Variants in LDB2 observed in about 807,000 individuals in gnomAD.
LDB2 encodes the protein LIM domain binding 2, also known as LIM domain-binding protein 2.
LDB2 carries 12 observed loss-of-function variants against 44.3 expected under a neutral mutation model. The ratio of observed to expected loss-of-function variants is 0.27; its 90% CI spans 0.17 to 0.44. LDB2 has a LOEUF of 0.44. Among genes scored for constraint, LDB2 ranks in the 20% least tolerant of loss-of-function variants. The pLI is 1.00. For synonymous variants in LDB2, 164 were observed against 174.8 expected, an observed-to-expected ratio of 0.94 and a Z score of 0.49; for missense variants, 344 against 473.5, an observed-to-expected ratio of 0.73 and a Z score of 2.54.
In LDB2 at chr4:16,831,082, G is replaced by A. The variant is rs75711080; in HGVS notation, c.132+67272C>T. ...TCTAGGCAATGGGGTTGAATAGAAC[G>A]GTGCAGAACTCATAGTCAGACTGAC... is the stretch of plus-strand genomic sequence containing the variant. On this transcript the variant is annotated intron_variant, in intron 1 of 7. Transcript: ENST00000304523. Among the ~76,000 whole-genome samples, 145 of 152,106 alleles carry A rather than the reference G, an allele frequency of 9.5e-4. 2 individuals are homozygous for A. In the East Asian group the frequency reaches 0.027, roughly 28 times the overall value.
At position 16,736,136 on chromosome 4, in the gene LDB2, C is replaced by G. The variant is rs144888134; in HGVS notation, c.235+23022G>C. On this transcript the variant is annotated intron_variant, in intron 2 of 7. Coordinates refer to ENST00000304523, the MANE Select transcript of LDB2 (RefSeq NM_001290.5). ...CTCCGGCTCTCTCATGCTCCTGAAG[C>G]TCAGCTCTGGGCAAGAAGGGTCCTC... Among the ~76,000 whole-genome samples, 1,021 of 152,298 alleles carry G rather than the reference C, an allele frequency of 6.7e-3. 6 individuals are homozygous for G. Among genetic ancestry groups the G allele is most frequent in the Non-Finnish European group, 0.011 (743 of 68,016 alleles).
At chr4:16,769,763 C>T (rs1243273297) in intron 1 of LDB2, among the ~76,000 whole-genome samples, 1 of 152,198 alleles carries the variant, frequency 6.6e-6, no homozygotes, top group Non-Finnish European at 1.5e-5. Context: ...ATACTACCAA[C>T]ATAGCAAATT....
At chr4:16,805,799 A>G (rs1160064629) in intron 1 of LDB2, among the ~76,000 whole-genome samples, 1 of 152,224 alleles carries the variant, frequency 6.6e-6, no homozygotes, top group Non-Finnish European at 1.5e-5. Context: ...GGTGGAGCCT[A>G]TTGCCTGACA....
chr4:16,539,879 G>T (rs930252988), intron 5 of LDB2, among the ~76,000 whole-genome samples: 2 of 152,168 alleles, frequency 1.3e-5, no homozygotes, highest in Non-Finnish European at 2.9e-5. Context: ...TGGACAAGGG[G>T]TGTATTAGTC....
chr4:16,850,307 T>C (rs1787936826), intron 1 of LDB2, among the ~76,000 whole-genome samples: 1 of 152,110 alleles, frequency 6.6e-6, no homozygotes, highest in Non-Finnish European at 1.5e-5. Context: ...CCCCACCACC[T>C]ATTAGCTGAA....
In LDB2 at chr4:16,789,782, A is replaced by G. The variant is rs950701878; in HGVS notation, c.133-30522T>C. ...CCATCTGTACTAAAAAATACAAAAA[A>G]TTAGCTGGGTGTGATGGCATACGCC... On this transcript the variant is annotated intron_variant, in intron 1 of 7. Transcript: ENST00000304523. Among the ~76,000 whole-genome samples the G allele has an allele frequency of 1.0e-3, 159 of 152,256 alleles. 1 individual carries two copies. Among genetic ancestry groups the G allele is most frequent in the African/African-American group, 3.7e-3 (152 of 41,554 alleles).
At chr4:16,559,039 T>G (rs1740964109) in intron 5 of LDB2, among the ~76,000 whole-genome samples, 1 of 152,150 alleles carries the variant, frequency 6.6e-6, no homozygotes, top group East Asian at 1.9e-4. Flanking sequence ...CCACCAGGCC[T>G]GCCCTAAAAG....
At chr4:16,786,074 T>G (rs1470128490) in intron 1 of LDB2, among the ~76,000 whole-genome samples, 2 of 152,208 alleles carry the variant, frequency 1.3e-5, no homozygotes, top group Non-Finnish European at 2.9e-5. Context: ...CTCTGATTTC[T>G]GGAACAAATA....
chr4:16,594,509 G>T (rs1461594036), intron 3 of LDB2, among the ~76,000 whole-genome samples: 1 of 152,174 alleles, frequency 6.6e-6, no homozygotes, highest in African/African-American at 2.4e-5. Context: ...ATTTAAAAAA[G>T]TCTACGGACA....
In LDB2 at chr4:16,865,204, A is replaced by G. The variant is rs375484914; in HGVS notation, c.132+33150T>C. Among the ~76,000 whole-genome samples, 117 of 152,246 alleles carry G rather than the reference A, an allele frequency of 7.7e-4. 1 individual carries two copies. The highest frequency in any genetic ancestry group is 2.7e-3 in the African/African-American group (113 of 41,532). ...GGGGTGGAGGTTGCAGTAAGCAGAG[A>G]CAGCGCCACTGCACTCTACCCTGGG... On this transcript the variant is annotated intron_variant, in intron 1 of 7. Coordinates refer to ENST00000304523, the MANE Select transcript of LDB2 (RefSeq NM_001290.5).
chr4:16,627,413 T>C (rs78795232), intron 2 of LDB2, among the ~76,000 whole-genome samples: 3,950 of 152,294 alleles, frequency 0.026, 60 homozygotes, highest in East Asian at 0.061. Flanking sequence ...AAGTGACTAT[T>C]CTCCCAGGTG....
intron 2 of LDB2, among the ~76,000 whole-genome samples, chr4:16,604,596 C>CT (rs1723442592): frequency 6.6e-6 from 1 of 151,066 alleles, no homozygotes; most frequent in Non-Finnish European, 1.5e-5. Context: ...AGCGAGCATT[C>CT]TTTTTTCTCC....
chr4:16,801,637 A>G (rs1385478995), intron 1 of LDB2, among the ~76,000 whole-genome samples: 7 of 152,224 alleles, frequency 4.6e-5, no homozygotes, highest in Non-Finnish European at 1.0e-4. Context: ...CTTAATGATT[A>G]CATTATTCAA....
chr4:16,766,509 TA>T (rs1354282701), intron 1 of LDB2, among the ~76,000 whole-genome samples: 917 of 47,296 alleles, frequency 0.019, 9 homozygotes, highest in South Asian at 0.062. Flanking sequence ...TGTGTGTATA[TA>T]TTTTTTTTTT....
intron 2 of LDB2, among the ~76,000 whole-genome samples, chr4:16,652,330 T>C (rs1738521085): frequency 6.6e-6 from 1 of 152,184 alleles, no homozygotes; most frequent in African/African-American, 2.4e-5. Flanking sequence ...CTAAAAAATC[T>C]TGATGAAACA....
chr4:16,690,475 A>G (rs1398525041), intron 2 of LDB2, among the ~76,000 whole-genome samples: 4 of 38,824 alleles, frequency 1.0e-4, no homozygotes, highest in Admixed American at 4.0e-4. Context: ...GGAAGGAAGG[A>G]AGGAAGGGAG....
intron 2 of LDB2, among the ~76,000 whole-genome samples, chr4:16,631,832 C>T (rs1043391877): frequency 2.6e-5 from 4 of 152,170 alleles, no homozygotes; most frequent in Admixed American, 6.5e-5. Context: ...ACCAGAAAAT[C>T]TAGAAGAAAT....
At chr4:16,518,723 C>G (rs1229577529) in intron 5 of LDB2, among the ~76,000 whole-genome samples, 1 of 152,216 alleles carries the variant, frequency 6.6e-6, no homozygotes, top group African/African-American at 2.4e-5. Context: ...AAGAAGGTGG[C>G]TGCAAATGAC....
intron 5 of LDB2, among the ~76,000 whole-genome samples, chr4:16,570,887 A>G (rs1746288025): frequency 6.6e-6 from 1 of 152,204 alleles, no homozygotes; most frequent in Non-Finnish European, 1.5e-5. Flanking sequence ...TCAATTACTC[A>G]TTGAGATAAG....
Sources: gnomAD v4.1 joint callset for allele counts (sites outside exome capture counted in the v4.1 genomes callset) on GRCh38, gnomAD v4.1.1 for gene constraint, MANE v1.5 for transcripts, NCBI Gene and HGNC (gene_info 2026-07-23, HGNC 2026-07-21) for gene names.